The following BCO2 variants were observed in gnomAD, a reference collection of about 807,000 sequenced individuals.
BCO2 encodes the protein carotenoid-cleaving dioxygenase, mitochondrial.
BCO2 carries 56 observed loss-of-function variants against 65.8 expected under a neutral mutation model. The ratio of observed to expected loss-of-function variants is 0.85; its 90% confidence interval spans 0.69 to 1.06. The LOEUF is 1.06. Among genes scored for constraint, BCO2 ranks in the 50% least tolerant of loss-of-function variants. The pLI is 0.00. For synonymous variants in BCO2, 233 were observed against 242.3 expected (o/e 0.96, Z 0.36); for missense variants, 675 against 698.5 (o/e 0.97, Z 0.38).
chr11:112,183,067 A>G, intron 2 of BCO2: 1 of 1,209,652 alleles, frequency 8.3e-7, no homozygotes, highest in Non-Finnish European at 1.2e-6. Context: ...GCAGGAACTG[A>G]TTTAGATAAC....
intron 2 of BCO2, among the ~76,000 whole-genome samples, chr11:112,191,502 T>C (rs1867390511): frequency 6.6e-6 from 1 of 152,168 alleles, no homozygotes; most frequent in African/African-American, 2.4e-5. Context: ...CATCCCCTGT[T>C]CTTGAATAGA....
intron 7 of BCO2, among the ~76,000 whole-genome samples, chr11:112,201,623 T>A (rs1159464648): frequency 6.6e-6 from 1 of 151,486 alleles, no homozygotes; most frequent in African/African-American, 2.4e-5. Context: ...CAAAAAAAAA[T>A]TTAGTAATGA....
intron 8 of BCO2, 103 bp downstream of exon 8, chr11:112,202,293 T>A: frequency 8.9e-7 from 1 of 1,129,324 alleles, no homozygotes; most frequent in Non-Finnish European, 1.2e-6. Flanking sequence ...CTCTCTCTTT[T>A]TTCTTTTGAG....
Position 112,216,301 on chromosome 11 carries a change from A to T in BCO2, c.1597A>T (p.Ile533Phe). The T allele has an allele frequency of 6.2e-7, 1 of 1,614,074 alleles. No individual in the cohort carries two copies. The highest frequency in any genetic ancestry group is 1.6e-4 in the Middle Eastern group (1 of 6,062). ...PGTNEEDGGV[I>F]LSVVITPNQN... ...AACCAATGAAGAAGATGGTGGGGTT[A>T]TTCTTTCTGTGGTGATCACTCCCAA... is the stretch of plus-strand genomic sequence containing the variant. Residue 533 changes from isoleucine (I) to phenylalanine (F), a missense_variant, in exon 11 of 12, where the codon ATT becomes TTT. By Grantham distance (21) the Ile-to-Phe change is conservative (BLOSUM62 0). Transcript: ENST00000357685.
At position 112,186,870 on chromosome 11, in the gene BCO2, A is replaced by C. The variant is rs1392413803; in HGVS notation, c.294-6604A>C. ...ACAAAAGTAAAAAGAATAAAGTTACATGAATCTGGGCAGAATACTAAATAG... is the reference window on the plus strand; with the variant it reads ...ACAAAAGTAAAAAGAATAAAGTTACCTGAATCTGGGCAGAATACTAAATAG... On this transcript the variant is annotated intron_variant, in intron 2 of 11. Transcript: ENST00000357685. 3.9e-5 allele frequency among the ~76,000 whole-genome samples: 6 copies of C among 152,196 alleles called. 1 individual carries two copies. Among genetic ancestry groups the C allele is most frequent in the Admixed American group, 3.9e-4 (6 of 15,278 alleles).
intron 8 of BCO2, among the ~76,000 whole-genome samples, chr11:112,206,595 C>CA (rs1319288461): frequency 6.6e-6 from 1 of 152,046 alleles, no homozygotes; most frequent in South Asian, 2.1e-4. Flanking sequence ...CTCATCTCTA[C>CA]AAAAAAATTT....
At chr11:112,207,365 C>G (rs1859376353) in intron 8 of BCO2, among the ~76,000 whole-genome samples, 1 of 152,004 alleles carries the variant, frequency 6.6e-6, no homozygotes, top group Non-Finnish European at 1.5e-5. Context: ...TTAATATGGC[C>G]CAGTATACAG....
intron 5 of BCO2, among the ~76,000 whole-genome samples, chr11:112,199,451 G>A (rs10891339): frequency 0.23 from 34,551 of 151,718 alleles, 4,057 homozygotes; most frequent in Middle Eastern, 0.27. Flanking sequence ...GATGAAGTTA[G>A]CATTATAGTA....
Position 112,181,184 on chromosome 11 carries a change from T to A in BCO2, c.293+1702T>A, listed in dbSNP as rs868585652. ...GCAAGATGATAGAGGAGCTTTCTTT[T>A]TTTTTTTTTTTTTTTGAGACGGAGT... On this transcript the variant is annotated intron_variant, in intron 2 of 11. Coordinates refer to ENST00000357685, the MANE Select transcript of BCO2 (RefSeq NM_031938.7). The A allele has an allele frequency of 1.0e-5, 8 of 779,494 alleles. No individual in the cohort carries two copies. In the Admixed American group the frequency reaches 1.6e-4, roughly 16 times the overall value. 48.3% of individuals were successfully genotyped at this position (779,494 alleles called of 1,614,324 possible). A position where few individuals can be genotyped will look rare whatever the true frequency, so the allele number is the denominator to read the frequency against.
At chr11:112,193,815 G>A in intron 3 of BCO2, 64 bp from the exon 4 acceptor site, 2 of 1,466,222 alleles carry the variant, frequency 1.4e-6, no homozygotes, top group East Asian at 2.3e-5. Context: ...CTCCCTTTGA[G>A]TGTGTGCTTA....
At position 112,179,385 on chromosome 11, in the gene BCO2, C is replaced by A; in HGVS notation, c.196C>A (p.Arg66=). The change falls in exon 2 of 12, where the codon CGG becomes AGG. Residue 66 remains arginine (R), a synonymous_variant. Transcript: ENST00000357685. ...GCTGACCACAGTGGAAGAGGCTCCA[C>A]GGGGCATCTCTGCTCGAGTCTGGGG... ...PLLTTVEEAP[R]GISARVWGHF... The A allele has an allele frequency of 6.2e-7, 1 of 1,614,148 alleles. No individual in the cohort carries two copies. Among genetic ancestry groups the A allele is most frequent in the Non-Finnish European group, 8.5e-7 (1 of 1,180,006 alleles).
chr11:112,215,986 A>C, intron 10 of BCO2: 1 of 473,674 alleles, frequency 2.1e-6, no homozygotes, highest in Non-Finnish European at 3.8e-6. Context: ...GCGAGAGCTC[A>C]CTTGTCACCA....
chr11:112,213,136 T>A (rs868833694), intron 8 of BCO2, among the ~76,000 whole-genome samples: 20 of 116,156 alleles, frequency 1.7e-4, no homozygotes, highest in African/African-American at 6.2e-4. Flanking sequence ...AATAACTTTT[T>A]TTTTTTTTTT....
At position 112,179,356 on chromosome 11, in the gene BCO2, C is replaced by T. The variant is rs767133207; in HGVS notation, c.167C>T (p.Pro56Leu). The T allele has an allele frequency of 3.6e-5, 58 of 1,613,984 alleles. No homozygotes were observed. Among genetic ancestry groups the T allele is most frequent in the Admixed American group, 8.3e-5 (5 of 59,984 alleles). ...GQCRGLPCVAPLLTTVEEAPR... is the reference protein window; with the variant it reads ...GQCRGLPCVALLLTTVEEAPR... ...TGTCGGGGTCTGCCATGTGTTGCAC[C>T]GCTGCTGACCACAGTGGAAGAGGCT... Residue 56 changes from proline to leucine, a missense_variant, in exon 2 of 12, where the codon CCG (proline) becomes CTG (leucine). Transcript: ENST00000357685.
At chr11:112,176,918 G>A (rs1003348263) in intron 1 of BCO2, among the ~76,000 whole-genome samples, 19 of 152,222 alleles carry the variant, frequency 1.2e-4, no homozygotes, top group Non-Finnish European at 1.6e-4. Flanking sequence ...CAATGTCTCA[G>A]AAGCTACGAA....
At chr11:112,180,966 G>C in intron 2 of BCO2, 1 of 1,198,540 alleles carries the variant, frequency 8.3e-7, no homozygotes, top group Non-Finnish European at 1.2e-6. Flanking sequence ...TTGTTTGTTT[G>C]TGAAGGAGAG....
At chr11:112,179,547 T>C (rs1866973793) in intron 2 of BCO2, 65 bp downstream of exon 2, 1 of 1,345,342 alleles carries the variant, frequency 7.4e-7, no homozygotes, top group African/African-American at 1.4e-5. Context: ...GGAATATGCA[T>C]TAATATCTGC....
At chr11:112,211,075 A>G (rs1272008433) in intron 8 of BCO2, among the ~76,000 whole-genome samples, 1 of 152,064 alleles carries the variant, frequency 6.6e-6, no homozygotes, top group African/African-American at 2.4e-5. Context: ...TCTCAAACAG[A>G]AACTCTGTAC....
rs35527541 is a variant in BCO2 at position 112,213,131 on chromosome 11, C to CTTTTTTTTTTTT, written c.1195-575_1195-564dup. On this transcript the variant is annotated intron_variant, in intron 8 of 11. Coordinates refer to ENST00000357685, the MANE Select transcript of BCO2 (RefSeq NM_031938.7). ...TGTTTATTTGATGCTAATTAAATAA[C>CTTTTTTTTTTTT]TTTTTTTTTTTTTTTTTTTTTTTTT... 3.6e-4 allele frequency among the ~76,000 whole-genome samples: 23 copies of CTTTTTTTTTTTT among 63,116 alleles called. 1 individual carries two copies. Among genetic ancestry groups the CTTTTTTTTTTTT allele is most frequent in the African/African-American group, 1.2e-3 (16 of 13,378 alleles). The allele number at this position is 63,116 out of a possible 152,430, so 41.4% of individuals were successfully genotyped here. A position where few individuals can be genotyped will look rare whatever the true frequency, so the allele number is the denominator to read the frequency against.
Sources: allele counts gnomAD v4.1 joint callset (sites outside exome capture counted in the v4.1 genomes callset), GRCh38; gene constraint gnomAD v4.1.1; transcripts MANE v1.5; gene names NCBI Gene and HGNC (gene_info 2026-07-23, HGNC 2026-07-21).